Variants in DOC2A observed in about 807,000 individuals in gnomAD.
DOC2A encodes the protein double C2-like domain-containing protein alpha.
DOC2A carries 28 observed loss-of-function variants against 40.6 expected under a neutral mutation model. The ratio of observed to expected loss-of-function variants is 0.69; its 90% confidence interval spans 0.51 to 0.95. The LOEUF is 0.95. DOC2A is among the 40% of genes least tolerant of loss of function. DOC2A has a pLI of 0.00. For missense variants in DOC2A, 474 were observed against 552.5 expected, an observed-to-expected ratio of 0.86 and a Z score of 1.42; for synonymous variants, 241 against 236.9, an observed-to-expected ratio of 1.02 and a Z score of -0.16.
Position 30,006,112 on chromosome 16 carries a change from C to T in DOC2A, c.*74G>A, listed in dbSNP as rs1397225789. On this transcript the variant is annotated 3_prime_UTR_variant, in exon 11 of 11. Coordinates refer to ENST00000350119, the MANE Select transcript of DOC2A (RefSeq NM_003586.3). The surrounding 1 kb of genome is among the most constrained non-coding windows in gnomAD (Gnocchi z 6.2). ...GTGGGGGCAGCCCACCCTGTGTAAA[C>T]GTGCAACACACTCGTGCGAAGGTTG... is the stretch of plus-strand genomic sequence containing the variant. 68 of 1,496,320 alleles carry T rather than the reference C, an allele frequency of 4.5e-5. No homozygotes were observed. Among genetic ancestry groups the T allele is most frequent in the Non-Finnish European group, 5.7e-5 (63 of 1,114,644 alleles). 92.7% of individuals were successfully genotyped at this position (1,496,320 alleles called of 1,614,324 possible). A position where few individuals can be genotyped will look rare whatever the true frequency, so the allele number is the denominator to read the frequency against.
intron 5 of DOC2A, chr16:30,007,531 G>C (rs2070654230): frequency 3.4e-6 from 2 of 594,722 alleles, no homozygotes; most frequent in South Asian, 3.8e-5. Flanking sequence ...GAAGCCCTCA[G>C]AAATCTTGGA....
chr16:30,016,055 A>ATATATT (rs1163519904), upstream of DOC2A, among the ~76,000 whole-genome samples: 9 of 16,882 alleles, frequency 5.3e-4, no homozygotes, highest in South Asian at 3.8e-3. Flanking sequence ...ATATATATAT[A>ATATATT]TTTTTTTTTT....
Position 30,007,187 on chromosome 16 carries a change from C to A in DOC2A, c.640G>T (p.Glu214Ter), listed in dbSNP as rs778631184. 3 of 1,613,952 alleles carry A rather than the reference C, an allele frequency of 1.9e-6. No homozygotes were observed. The highest frequency in any genetic ancestry group is 2.5e-6 in the Non-Finnish European group (3 of 1,180,030). The change falls in exon 6 of 11, where the codon GAG (glutamate) becomes TAG (stop). Residue 214 changes from glutamate to a stop codon, truncating the protein, a stop_gained. Transcript: ENST00000350119. LOFTEE classifies it high-confidence loss of function. ...SQKKHFNICL[E>*]RQVPLASPSS... ...CCCACACAGACCGGGACCTGGCGCT[C>A]GAGGCAGATGTTAAAATGCTTCTTC...
upstream of DOC2A, among the ~76,000 whole-genome samples, chr16:30,016,233 G>C (rs1307724768): frequency 6.7e-6 from 1 of 149,682 alleles, no homozygotes. Flanking sequence ...ATTTTTAGTG[G>C]AGATAGGGTT....
intron 1 of DOC2A, among the ~76,000 whole-genome samples, chr16:30,018,122 A>C (rs1017535424): frequency 1.3e-5 from 2 of 149,852 alleles, no homozygotes; most frequent in African/African-American, 2.4e-5. Flanking sequence ...AAAAAAAAAA[A>C]AAAAAAACTT....
chr16:30,020,056 A>T (rs1227248332), intron 1 of DOC2A, among the ~76,000 whole-genome samples: 1 of 152,084 alleles, frequency 6.6e-6, no homozygotes, highest in Non-Finnish European at 1.5e-5. Context: ...CTACAGGCGC[A>T]TGCTACCGCA....
chr16:30,021,974 C>T (rs1026073004), upstream of DOC2A, among the ~76,000 whole-genome samples: 3 of 151,616 alleles, frequency 2.0e-5, no homozygotes, highest in African/African-American at 4.9e-5. Flanking sequence ...CTGGGCTGGG[C>T]TTGGTGGCTC....
upstream of DOC2A, among the ~76,000 whole-genome samples, chr16:30,016,038 TATATATATATATATATA>T (rs1405762441): frequency 4.5e-3 from 152 of 33,592 alleles, 2 homozygotes; most frequent in African/African-American, 0.019. Context: ...TATATATATA[TATATATATATATATATA>T]TTTTTTTTTT....
At chr16:30,015,089 CT>C (rs2070842057), upstream of DOC2A, 1 of 152,026 alleles carries the variant, frequency 6.6e-6, no homozygotes, top group South Asian at 2.1e-4. Flanking sequence ...AACTGTGTCT[CT>C]TGACAAGCTG....
chr16:30,010,830 C>T lies in DOC2A; in HGVS notation c.-14+73G>A. Reference sequence around the variant, plus strand: ...TGCAGCCGCAGGAGAGCCGAACACCCCCGTAGCGCACACAGGCTGGCACGC... The same window carrying T: ...TGCAGCCGCAGGAGAGCCGAACACCTCCGTAGCGCACACAGGCTGGCACGC... On this transcript the variant is annotated intron_variant, in intron 1 of 10. Coordinates refer to ENST00000350119, the MANE Select transcript of DOC2A (RefSeq NM_003586.3). This position sits in a 1 kb window ranked among gnomAD's most constrained non-coding sequence, Gnocchi z 4.2. 1 of 972,668 alleles carries T rather than the reference C, an allele frequency of 1.0e-6. No individual in the cohort carries two copies. Among genetic ancestry groups the T allele is most frequent in the Non-Finnish European group, 1.2e-6 (1 of 811,954 alleles). The allele number at this position is 972,668 out of a possible 1,614,324, so 60.3% of individuals were successfully genotyped here. A position where few individuals can be genotyped will look rare whatever the true frequency, so the allele number is the denominator to read the frequency against.
At chr16:30,017,672 T>A (rs2070867521) in intron 1 of DOC2A, among the ~76,000 whole-genome samples, 1 of 151,980 alleles carries the variant, frequency 6.6e-6, no homozygotes, top group Non-Finnish European at 1.5e-5. Flanking sequence ...AAAAACTACC[T>A]ATTGCCGGGT....
chr16:30,021,326 G>T (rs1190332181), upstream of DOC2A: 1 of 152,258 alleles, frequency 6.6e-6, no homozygotes, highest in Non-Finnish European at 1.5e-5. Context: ...GAGTGTCCTT[G>T]GGCTTGGGTG....
chr16:30,013,817 C>T (rs989176286), upstream of DOC2A, among the ~76,000 whole-genome samples: 1 of 151,634 alleles, frequency 6.6e-6, no homozygotes, highest in African/African-American at 2.4e-5. Flanking sequence ...TGGGTTCAAG[C>T]AATTCTCCTG....
chr16:30,008,921 T>C, intron 5 of DOC2A, 75 bp downstream of exon 5: 2 of 1,031,546 alleles, frequency 1.9e-6, no homozygotes, highest in South Asian at 1.3e-5. Context: ...TAATGGGACA[T>C]AGATCAACCA....
chr16:30,011,094 G>A (rs549900458), upstream of DOC2A: 9 of 906,126 alleles, frequency 9.9e-6, no homozygotes, highest in South Asian at 4.0e-4. Flanking sequence ...GACGGGGAGG[G>A]GCGCTGGGGC....
At chr16:30,011,279 T>C (rs1332837495), upstream of DOC2A, 5 of 961,778 alleles carry the variant, frequency 5.2e-6, no homozygotes, top group Non-Finnish European at 6.2e-6. Context: ...CGTGCCCACG[T>C]GTGCACGCTC....
Position 30,006,377 on chromosome 16 carries a change from C to G in DOC2A, c.1057+36G>C. 1 of 1,613,288 alleles carries G rather than the reference C, an allele frequency of 6.2e-7. No homozygotes were observed. The highest frequency in any genetic ancestry group is 1.1e-5 in the South Asian group (1 of 91,066). ...GTCAGGGCCACCTCCCTGCCACTTG[C>G]CCGCCCTCAACACCCGCAGCCAGCT... is the stretch of plus-strand genomic sequence containing the variant. On this transcript the variant is annotated intron_variant, in intron 10 of 10. Transcript: ENST00000350119. The surrounding 1 kb of genome is among the most constrained non-coding windows in gnomAD (Gnocchi z 6.2).
intron 1 of DOC2A, among the ~76,000 whole-genome samples, chr16:30,019,267 G>A (rs568454602): frequency 3.3e-5 from 5 of 152,228 alleles, no homozygotes; most frequent in African/African-American, 1.2e-4. Flanking sequence ...GCGGTGAGCC[G>A]AGATCGCGCC....
In DOC2A at chr16:30,005,602, A is replaced by G; in HGVS notation, c.*584T>C. 3 of 720,806 alleles carry G rather than the reference A, an allele frequency of 4.2e-6. No individual in the cohort carries two copies. The allele number at this position is 720,806 out of a possible 1,614,324, so 44.7% of individuals were successfully genotyped here. A position where few individuals can be genotyped will look rare whatever the true frequency, so the allele number is the denominator to read the frequency against. On this transcript the variant is annotated 3_prime_UTR_variant, in exon 11 of 11. Coordinates refer to ENST00000350119, the MANE Select transcript of DOC2A (RefSeq NM_003586.3). ...GCGTAAACATGCACGGGTGTCCCCC[A>G]GGAGGGTGGCAGGGGCCCTGCCTTC... is the stretch of plus-strand genomic sequence containing the variant.
Sources: gnomAD v4.1 joint callset for allele counts (sites outside exome capture counted in the v4.1 genomes callset) on GRCh38, gnomAD v4.1.1 for gene constraint, Gnocchi (gnomAD v3.1) non-coding constraint, MANE v1.5 for transcripts, NCBI Gene and HGNC (gene_info 2026-07-23, HGNC 2026-07-21) for gene names.